The following SLC23A2 variants were observed in gnomAD, a reference collection of about 807,000 sequenced individuals.
SLC23A2 encodes solute carrier family 23 member 2, also known as Na(+)/L-ascorbic acid transporter 2.
A neutral mutation model predicts 73.3 loss-of-function variants in SLC23A2; 36 were observed. The observed-to-expected ratio is 0.49, with a 90% CI of 0.38 to 0.65. The LOEUF is 0.65. SLC23A2 is among the 30% of genes least tolerant of loss of function. The pLI is 0.00. For synonymous variants in SLC23A2, 343 were observed against 327.3 expected (o/e 1.05, Z -0.52); for missense variants, 507 against 841.6 (o/e 0.60, Z 4.92).
chr20:4,902,367 A>T lies in SLC23A2; in HGVS notation c.324+75T>A. On this transcript the variant is annotated intron_variant, in intron 5 of 16. Coordinates refer to ENST00000338244, the MANE Select transcript of SLC23A2 (RefSeq NM_005116.6). This position sits in a 1 kb window ranked among gnomAD's most constrained non-coding sequence, Gnocchi z 4.0. ...TTCAATAAACAAAAACCAAAGTGGA[A>T]TTTTTAAACAATTCCAGATGGTAGA... The T allele has an allele frequency of 2.3e-6, 2 of 852,024 alleles. No individual in the cohort carries two copies. Among genetic ancestry groups the T allele is most frequent in the Non-Finnish European group, 3.7e-6 (2 of 534,244 alleles). 52.8% of individuals were successfully genotyped at this position (852,024 alleles called of 1,614,324 possible).
chr20:4,999,554 CTA>C (rs1318015533), intron 1 of SLC23A2, among the ~76,000 whole-genome samples: 1 of 129,974 alleles, frequency 7.7e-6, no homozygotes, highest in African/African-American at 3.4e-5. Flanking sequence ...CCATACTCAG[CTA>C]TTTTTTTTTT....
intron 9 of SLC23A2, among the ~76,000 whole-genome samples, chr20:4,878,416 G>A (rs1930741045): frequency 6.6e-6 from 1 of 152,140 alleles, no homozygotes; most frequent in African/African-American, 2.4e-5. Context: ...GAACTCCTGA[G>A]CTCAAGTGAT....
At chr20:4,943,674 CAA>C (rs552051541) in intron 2 of SLC23A2, among the ~76,000 whole-genome samples, 29 of 78,858 alleles carry the variant, frequency 3.7e-4, no homozygotes, top group Admixed American at 4.5e-4. Context: ...GACTCTGTCT[CAA>C]AAAAAAAAAA....
intron 2 of SLC23A2, among the ~76,000 whole-genome samples, chr20:4,968,101 T>G (rs935777881): frequency 3.9e-5 from 6 of 152,130 alleles, no homozygotes; most frequent in Non-Finnish European, 7.4e-5. Context: ...CTCTTTCCCA[T>G]CTGATTGTAC....
At chr20:4,905,338 G>A (rs191812962) in intron 4 of SLC23A2, among the ~76,000 whole-genome samples, 25 of 152,250 alleles carry the variant, frequency 1.6e-4, no homozygotes, top group East Asian at 1.5e-3. Flanking sequence ...TGAGGCAGAC[G>A]CTGTGCCCCC....
In SLC23A2 at chr20:4,899,056, A is replaced by G. The variant is rs1261420539; in HGVS notation, c.482+499T>C. Reference sequence around the variant, plus strand: ...GGCTGGAGATGGAAGTGGGGCAGAGAGCAAGGGCAAGCCTAAATGCTGGGT... The same window carrying G: ...GGCTGGAGATGGAAGTGGGGCAGAGGGCAAGGGCAAGCCTAAATGCTGGGT... On this transcript the variant is annotated intron_variant, in intron 6 of 16. Coordinates refer to ENST00000338244, the MANE Select transcript of SLC23A2 (RefSeq NM_005116.6). The surrounding 1 kb of genome is among the most constrained non-coding windows in gnomAD (Gnocchi z 4.9). Among the ~76,000 whole-genome samples, 1 of 152,138 alleles carries G rather than the reference A, an allele frequency of 6.6e-6. No homozygotes were observed. The highest frequency in any genetic ancestry group is 1.5e-5 in the Non-Finnish European group (1 of 68,018).
In SLC23A2 at chr20:4,857,081, C is replaced by G. The variant is rs1452216387; in HGVS notation, c.1844G>C (p.Cys615Ser). 2.5e-6 allele frequency: 4 copies of G among 1,613,822 alleles called. No individual in the cohort carries two copies. The highest frequency in any genetic ancestry group is 2.7e-5 in the African/African-American group (2 of 74,914). The change falls in exon 17 of 17, where the codon TGC becomes TCC. Residue 615 changes from cysteine (C) to serine (S), a missense_variant. Around this residue, in one of 5 missense-constraint regions of SLC23A2, gnomAD observed 168 missense variants for 302.3 expected, o/e 0.56. Coordinates refer to ENST00000338244, the MANE Select transcript of SLC23A2 (RefSeq NM_005116.6). The surrounding 1 kb of genome is among the most constrained non-coding windows in gnomAD (Gnocchi z 4.0). Reference sequence around the variant, plus strand: ...TGGGCTGATGGGTAAGTAGCTGAAGCATCTGTATTTTTTTATAATGTTCAT... The same window carrying G: ...TGGGCTGATGGGTAAGTAGCTGAAGGATCTGTATTTTTTTATAATGTTCAT... ...FGMNIIKKYR[C>S]FSYLPISPTF...
rs757100022 is a variant in SLC23A2 at position 4,862,739 on chromosome 20, T to C, written c.1486+39A>G. ...AACACCATGACCCCTATTAAAAATT[T>C]GGAAAAGTAAAGGAAAAAGCCAGAG... On this transcript the variant is annotated intron_variant, in intron 14 of 16. Transcript: ENST00000338244. This position sits in a 1 kb window ranked among gnomAD's most constrained non-coding sequence, Gnocchi z 5.1. The C allele has an allele frequency of 5.7e-6, 9 of 1,582,964 alleles. No individual in the cohort carries two copies. Among genetic ancestry groups the C allele is most frequent in the African/African-American group, 1.4e-5 (1 of 73,886 alleles).
chr20:5,000,704 G>A (rs892755744), intron 1 of SLC23A2, among the ~76,000 whole-genome samples: 1 of 152,048 alleles, frequency 6.6e-6, no homozygotes, highest in African/African-American at 2.4e-5. Context: ...CCCATCCAAG[G>A]GGGGGCATCT....
At chr20:4,976,907 C>T (rs1449326041) in intron 1 of SLC23A2, among the ~76,000 whole-genome samples, 2 of 151,662 alleles carry the variant, frequency 1.3e-5, no homozygotes, top group African/African-American at 4.8e-5. Flanking sequence ...ATCAGGGGGG[C>T]GGAGGTTGCA....
At chr20:4,965,615 T>A (rs112717636) in intron 2 of SLC23A2, among the ~76,000 whole-genome samples, 1 of 151,856 alleles carries the variant, frequency 6.6e-6, no homozygotes, top group Non-Finnish European at 1.5e-5. Context: ...CTACAAAAAA[T>A]TAGCCAGGTA....
At chr20:4,888,434 G>A (rs993927923) in intron 6 of SLC23A2, among the ~76,000 whole-genome samples, 5 of 152,216 alleles carry the variant, frequency 3.3e-5, no homozygotes, top group African/African-American at 9.7e-5. Context: ...GGTTTCTGCA[G>A]CTAGAAATTC....
rs556211388 is a variant in SLC23A2 at position 4,898,833 on chromosome 20, G to C, written c.482+722C>G. ...ACAAAAAGGACAAACTGGAATAAAG[G>C]CCACACTGGAAGGATGAAAACAAGG... On this transcript the variant is annotated intron_variant, in intron 6 of 16. Coordinates refer to ENST00000338244, the MANE Select transcript of SLC23A2 (RefSeq NM_005116.6). 7.2e-5 allele frequency among the ~76,000 whole-genome samples: 11 copies of C among 152,332 alleles called. No homozygotes were observed. The South Asian group carries it at 2.1e-3, about 29-fold the overall frequency.
intron 2 of SLC23A2, among the ~76,000 whole-genome samples, chr20:4,946,603 A>G (rs1022672386): frequency 3.3e-5 from 5 of 152,184 alleles, no homozygotes; most frequent in African/African-American, 7.2e-5. Context: ...GTCCAGCCCA[A>G]AGACTTAGTC....
At chr20:4,974,031 TA>T (rs1318711775) in intron 1 of SLC23A2, among the ~76,000 whole-genome samples, 15 of 152,132 alleles carry the variant, frequency 9.9e-5, no homozygotes, top group Non-Finnish European at 2.1e-4. Context: ...ATCATTTCCT[TA>T]AAAAGGGATG....
Position 4,862,639 on chromosome 20 carries a change from A to G in SLC23A2, c.1486+139T>C, listed in dbSNP as rs1209236335. 4.1e-6 allele frequency: 3 copies of G among 729,112 alleles called. No homozygotes were observed. The highest frequency in any genetic ancestry group is 6.6e-6 in the Non-Finnish European group (3 of 452,094). 45.2% of individuals were successfully genotyped at this position (729,112 alleles called of 1,614,324 possible). A position where few individuals can be genotyped will look rare whatever the true frequency, so the allele number is the denominator to read the frequency against. ...AACTCAGAGAGTGATAAAAGTTTTC[A>G]TTTTTTGAAGGCATATCCTTTGTAT... On this transcript the variant is annotated intron_variant, in intron 14 of 16. Transcript: ENST00000338244. The surrounding 1 kb of genome is among the most constrained non-coding windows in gnomAD (Gnocchi z 5.1).
At chr20:4,900,562 T>C (rs1355234506) in intron 5 of SLC23A2, among the ~76,000 whole-genome samples, 4 of 152,248 alleles carry the variant, frequency 2.6e-5, no homozygotes, top group Non-Finnish European at 5.9e-5. Flanking sequence ...TGTCTGGGGA[T>C]TAAAGTTACA....
At chr20:4,920,967 T>C (rs751255432) in intron 3 of SLC23A2, among the ~76,000 whole-genome samples, 5 of 152,192 alleles carry the variant, frequency 3.3e-5, no homozygotes, top group South Asian at 2.1e-4. Context: ...GGGAGAAGAA[T>C]AGGCACAATG....
chr20:4,983,503 G>A (rs533467548), intron 1 of SLC23A2, among the ~76,000 whole-genome samples: 118 of 151,946 alleles, frequency 7.8e-4, no homozygotes, highest in Admixed American at 1.8e-3. Flanking sequence ...AAATTTAGCC[G>A]GGCGTTGTGG....
Sources: allele counts gnomAD v4.1 joint callset (sites outside exome capture counted in the v4.1 genomes callset), GRCh38; gene constraint gnomAD v4.1.1; regional missense constraint gnomAD v4.1.1; non-coding constraint Gnocchi (gnomAD v3.1); transcripts MANE v1.5; gene names NCBI Gene and HGNC (gene_info 2026-07-23, HGNC 2026-07-21).